Variants in SPATA4 observed in about 807,000 individuals in gnomAD.
SPATA4 encodes the protein spermatogenesis-associated protein 4.
SPATA4 carries 35 observed loss-of-function variants against 31.8 expected under a neutral mutation model. That is an observed-to-expected ratio of 1.10 (90% confidence interval 0.84 to 1.46). SPATA4 has a LOEUF of 1.46. SPATA4 is among the 40% of genes most tolerant of loss of function. The pLI is 0.00. For synonymous variants in SPATA4, 126 were observed against 132.4 expected (o/e 0.95, Z 0.33); for missense variants, 394 against 363.1 (o/e 1.09, Z -0.69).
chr4:176,189,390 AT>A (rs975613517), intron 4 of SPATA4, among the ~76,000 whole-genome samples: 3 of 152,262 alleles, frequency 2.0e-5, no homozygotes, highest in African/African-American at 7.2e-5. Context: ...GGGAAAAAAA[AT>A]CTTTGGAAAA....
chr4:176,189,740 AG>A (rs1219714369), intron 4 of SPATA4, among the ~76,000 whole-genome samples: 1 of 152,204 alleles, frequency 6.6e-6, no homozygotes, highest in Non-Finnish European at 1.5e-5. Flanking sequence ...AAGTGGGAAA[AG>A]AACAGACTAC....
chr4:176,190,970 T>C (rs1752517843), intron 4 of SPATA4, among the ~76,000 whole-genome samples: 1 of 152,094 alleles, frequency 6.6e-6, no homozygotes, highest in African/African-American at 2.4e-5. Context: ...GGGCTCATTC[T>C]GCCTACTACA....
chr4:176,195,314 G>T (rs777942115), intron 1 of SPATA4, 31 bp downstream of exon 1: 2 of 1,599,544 alleles, frequency 1.3e-6, no homozygotes, highest in Non-Finnish European at 1.7e-6. Flanking sequence ...GGCGCCCACC[G>T]GGGGGGCCTA....
In SPATA4 at chr4:176,185,241, A is replaced by G. The variant is rs542234219; in HGVS notation, c.806-349T>C. 6.6e-5 allele frequency among the ~76,000 whole-genome samples: 10 copies of G among 152,316 alleles called. No homozygotes were observed. The East Asian group carries it at 1.7e-3, about 26-fold the overall frequency. ...TTATACTTAGATTTGACAAACGTCC[A>G]TGATTCATAATACAGTTTATGGAGC... On this transcript the variant is annotated intron_variant, in intron 5 of 5. Coordinates refer to ENST00000280191, the MANE Select transcript of SPATA4 (RefSeq NM_144644.4).
chr4:176,190,719 T>G (rs969013602), intron 4 of SPATA4, among the ~76,000 whole-genome samples: 1 of 152,202 alleles, frequency 6.6e-6, no homozygotes. Context: ...CTTGTAGCAA[T>G]AGCAGGTTGA....
rs755196810 is a variant in SPATA4, at chr4:176,195,538, C to T, written c.25G>A (p.Gly9Arg). The T allele has an allele frequency of 1.9e-6, 3 of 1,614,206 alleles. No homozygotes were observed. Among genetic ancestry groups the T allele is most frequent in the South Asian group, 1.1e-5 (1 of 91,088 alleles). MAAAGQEKGYLTQTAAALD... is the reference protein window; with the variant it reads MAAAGQEKRYLTQTAAALD... ...GCTGCCGCAGTCTGTGTCAAATACCCTTTTTCCTGGCCGGCGGCAGCCATG... is the reference window on the plus strand; with the variant it reads ...GCTGCCGCAGTCTGTGTCAAATACCTTTTTTCCTGGCCGGCGGCAGCCATG... Residue 9 changes from glycine to arginine, a missense_variant, in exon 1 of 6, where the codon GGG becomes AGG. Transcript: ENST00000280191.
chr4:176,193,013 C>T lies in SPATA4; in HGVS notation c.412G>A (p.Ala138Thr). The T allele has an allele frequency of 1.9e-6, 3 of 1,611,374 alleles. No individual in the cohort carries two copies. The highest frequency in any genetic ancestry group is 2.5e-6 in the Non-Finnish European group (3 of 1,179,276). Residue 138 changes from alanine (A) to threonine (T), a missense_variant, in exon 3 of 6, where the codon GCT becomes ACT. Coordinates refer to ENST00000280191, the MANE Select transcript of SPATA4 (RefSeq NM_144644.4). Reference protein sequence around the residue: ...ELIHGTIHCKAGVPEILIEEV... With the variant: ...ELIHGTIHCKTGVPEILIEEV... ...TCTATCAATATTTCAGGCACTCCAG[C>T]TTTACAATGAATTGTTCCATGGATT...
At chr4:176,186,860 G>A (rs940570292) in intron 5 of SPATA4, among the ~76,000 whole-genome samples, 11 of 151,642 alleles carry the variant, frequency 7.3e-5, no homozygotes, top group African/African-American at 2.7e-4. Context: ...AAGGAACATT[G>A]GCACTGCTCT....
intron 4 of SPATA4, among the ~76,000 whole-genome samples, chr4:176,189,598 G>T (rs1270997907): frequency 6.6e-6 from 1 of 152,094 alleles, no homozygotes; most frequent in East Asian, 1.9e-4. Flanking sequence ...ACTTTACAAA[G>T]TATCAACACT....
chr4:176,190,957 G>A (rs1455559935), intron 4 of SPATA4, among the ~76,000 whole-genome samples: 1 of 151,894 alleles, frequency 6.6e-6, no homozygotes, highest in African/African-American at 2.4e-5. Flanking sequence ...ATGGATAGCA[G>A]GGGGGCTCAT....
intron 2 of SPATA4, 43 bp from the exon 3 acceptor site, chr4:176,193,119 A>G (rs895813825): frequency 1.6e-6 from 2 of 1,273,778 alleles, no homozygotes; most frequent in African/African-American, 3.0e-5. Context: ...AAGAACTTTT[A>G]TAAAAATCTC....
rs150071540 is a variant in SPATA4, at chr4:176,192,463, C to G, written c.688+164G>C. ...AAAAAGATTGATTTATAAACCACTC[C>G]AATGCTAATAAATCATTTCACTGCT... On this transcript the variant is annotated intron_variant, in intron 4 of 5. Coordinates refer to ENST00000280191, the MANE Select transcript of SPATA4 (RefSeq NM_144644.4). 6.6e-5 allele frequency among the ~76,000 whole-genome samples: 10 copies of G among 152,290 alleles called. No individual in the cohort carries two copies. In the East Asian group the frequency reaches 1.9e-3, roughly 29 times the overall value.
chr4:176,190,146 G>A (rs1010869521), intron 4 of SPATA4, among the ~76,000 whole-genome samples: 1 of 152,070 alleles, frequency 6.6e-6, no homozygotes, highest in African/African-American at 2.4e-5. Context: ...TTAACTACCA[G>A]GCCCAGGTCG....
At chr4:176,190,080 C>G (rs1366402275) in intron 4 of SPATA4, among the ~76,000 whole-genome samples, 1 of 152,132 alleles carries the variant, frequency 6.6e-6, no homozygotes, top group Non-Finnish European at 1.5e-5. Context: ...CAGTGCTTTT[C>G]TTTACAATGT....
intron 1 of SPATA4, 89 bp from the exon 2 acceptor site, chr4:176,193,671 T>C: frequency 6.2e-6 from 8 of 1,287,508 alleles, no homozygotes; most frequent in Non-Finnish European, 7.2e-6. Context: ...TAATATTCCA[T>C]ACTAAAAGTA....
In SPATA4 at chr4:176,193,490, A is replaced by G. The variant is rs773550569; in HGVS notation, c.311T>C (p.Leu104Ser). 1.2e-6 allele frequency: 2 copies of G among 1,613,860 alleles called. No individual in the cohort carries two copies. The highest frequency in any genetic ancestry group is 3.3e-5 in the Admixed American group (2 of 60,004). The stretch of plus-strand genomic sequence containing the variant: ...TGCCCAGTTATCCAACTTGACTTTT[A>G]AAGAGGTCCCGTTTTCAAAGGATGA... ...ELSSFENGTS[L>S]KVKLDNWAQL... is the part of the protein sequence containing the mutation. Residue 104 changes from leucine to serine, a missense_variant, in exon 2 of 6, where the codon TTA (leucine) becomes TCA (serine). Transcript: ENST00000280191.
rs371326588 is a variant in SPATA4 at position 176,195,319 on chromosome 4, G to C, written c.218+26C>G. 172 of 1,611,142 alleles carry C rather than the reference G, an allele frequency of 1.1e-4. 1 individual carries two copies. The highest frequency in any genetic ancestry group is 8.2e-4 in the Middle Eastern group (5 of 6,072). ...AAGCAGGCGGGGCGCCCACCGGGGG[G>C]GCCTAGGACTGGCTTACTCAAGCAC... On this transcript the variant is annotated intron_variant, in intron 1 of 5. Transcript: ENST00000280191.
In SPATA4 at chr4:176,195,384, T is replaced by A. The variant is rs138950338; in HGVS notation, c.179A>T (p.Gln60Leu). 174 of 1,614,196 alleles carry A rather than the reference T, an allele frequency of 1.1e-4. No individual in the cohort carries two copies. The African/African-American group carries it at 2.1e-3, about 20-fold the overall frequency. ...GGGGAAGAAGCTGAGATCCAGACCC[T>A]GAAGCCAACGCAGAACGGAACGAGA... ...RLSRSVLRWLQGLDLSFFPRN... is the reference protein window; with the variant it reads ...RLSRSVLRWLLGLDLSFFPRN... The change falls in exon 1 of 6, where the codon CAG becomes CTG. Residue 60 changes from glutamine to leucine, a missense_variant. By Grantham distance (113) the Gln-to-Leu change is moderately radical (BLOSUM62 -2). Coordinates refer to ENST00000280191, the MANE Select transcript of SPATA4 (RefSeq NM_144644.4).
At chr4:176,194,642 A>G (rs965038157) in intron 1 of SPATA4, 4 of 152,118 alleles carry the variant, frequency 2.6e-5, no homozygotes, top group African/African-American at 9.7e-5. Context: ...GCCTACAATT[A>G]AGCAGCAACT....
Sources: allele counts gnomAD v4.1 joint callset (sites outside exome capture counted in the v4.1 genomes callset), GRCh38; gene constraint gnomAD v4.1.1; transcripts MANE v1.5; gene names NCBI Gene and HGNC (gene_info 2026-07-23, HGNC 2026-07-21).